LIPF: variants seen among roughly 807,000 people sequenced by gnomAD.
The protein encoded by LIPF is gastric triacylglycerol lipase.
Under a neutral mutation model 38.0 loss-of-function variants are expected in LIPF, and 25 were observed. That is an observed-to-expected ratio of 0.66 (90% CI 0.48 to 0.92). The LOEUF is 0.92. Ranked by LOEUF, LIPF falls within the 40% of genes least tolerant of loss-of-function variation. LIPF has a pLI of 0.00. For missense variants in LIPF, 410 were observed against 469.9 expected, an observed-to-expected ratio of 0.87 and a Z score of 1.18; for synonymous variants, 161 against 156.2, an observed-to-expected ratio of 1.03 and a Z score of -0.23.
chr10:88,668,906 T>C lies in LIPF; in HGVS notation c.422+150T>C. 4 of 660,948 alleles carry C rather than the reference T, an allele frequency of 6.1e-6. No individual in the cohort carries two copies. The South Asian group carries it at 6.4e-5, about 11-fold the overall frequency. The allele number at this position is 660,948 out of a possible 1,614,324, so 40.9% of individuals were successfully genotyped here. A position where few individuals can be genotyped will look rare whatever the true frequency, so the allele number is the denominator to read the frequency against. ...TCTAATCCATTCTTGGATTCTTCCA[T>C]GTACCTCATTCCTAGGGTAGCTTTT... On this transcript the variant is annotated intron_variant, in intron 4 of 9. Coordinates refer to ENST00000238983, the MANE Select transcript of LIPF (RefSeq NM_004190.4).
chr10:88,678,614 G>A lies in LIPF; in HGVS notation c.1130G>A (p.Trp377Ter). ...IPFYNHLDFI[W>*]AMDAPQEVYN... ...TTTTACAATCACTTGGACTTTATCT[G>A]GGCAATGGATGCCCCTCAAGAAGTT... The change falls in exon 10 of 10, where the codon TGG becomes TAG. Residue 377 changes from tryptophan to a stop codon, truncating the protein, a stop_gained. Transcript: ENST00000238983. LOFTEE classifies it low-confidence loss of function (END_TRUNC). 6.2e-7 allele frequency: 1 copy of A among 1,613,802 alleles called. No individual in the cohort carries two copies. The highest frequency in any genetic ancestry group is 8.5e-7 in the Non-Finnish European group (1 of 1,179,836).
rs778796350 is a variant in LIPF at position 88,675,612 on chromosome 10, T to C, written c.843T>C (p.His281=). The C allele has an allele frequency of 3.1e-5, 36 of 1,175,122 alleles. No individual in the cohort carries two copies. Among genetic ancestry groups the C allele is most frequent in the Non-Finnish European group, 4.4e-5 (36 of 817,866 alleles). The allele number at this position is 1,175,122 out of a possible 1,614,324, so 72.8% of individuals were successfully genotyped here. A position where few individuals can be genotyped will look rare whatever the true frequency, so the allele number is the denominator to read the frequency against. The change falls in exon 8 of 10, where the codon CAT becomes CAC. Residue 281 remains histidine, a synonymous_variant. Transcript: ENST00000238983. The part of the protein sequence containing the change: ...NTSRLDVYLS[H]NPAGTSVQNM... ...GTCGCTTGGATGTGTATCTATCACA[T>C]AATCCAGCAGGAACTTCTGTTCAAA... is the stretch of plus-strand genomic sequence containing the variant.
chr10:88,665,262 T>C (rs1020877520), intron 1 of LIPF, among the ~76,000 whole-genome samples: 1 of 152,210 alleles, frequency 6.6e-6, no homozygotes, highest in Non-Finnish European at 1.5e-5. Context: ...AATAACTATA[T>C]TTAACTAACG....
In LIPF at chr10:88,667,617, G is replaced by T; in HGVS notation, c.154G>T (p.Val52Leu). Residue 52 changes from valine to leucine, a missense_variant, in exon 3 of 10, where the codon GTG (valine) becomes TTG (leucine). By Grantham distance (32) the Val-to-Leu change is conservative. Coordinates refer to ENST00000238983, the MANE Select transcript of LIPF (RefSeq NM_004190.4). ...ATACCCAAATGAAGAATATGAAGTT[G>T]TGACTGAAGATGGTTATATTCTTGA... ...WGYPNEEYEV[V>L]TEDGYILEVN... 1 of 1,604,638 alleles carries T rather than the reference G, an allele frequency of 6.2e-7. No homozygotes were observed. The highest frequency in any genetic ancestry group is 8.5e-7 in the Non-Finnish European group (1 of 1,171,970).
intron 3 of LIPF, among the ~76,000 whole-genome samples, chr10:88,667,887 A>T (rs1166040952): frequency 1.3e-5 from 2 of 152,136 alleles, no homozygotes; most frequent in African/African-American, 2.4e-5. Context: ...CTTCAAGGAG[A>T]TCATCATCAA....
chr10:88,670,312 A>G (rs753633395), intron 5 of LIPF, among the ~76,000 whole-genome samples: 5 of 152,208 alleles, frequency 3.3e-5, no homozygotes, highest in Non-Finnish European at 7.3e-5. Flanking sequence ...AATAGATGAA[A>G]ACTTCTGCCT....
At chr10:88,678,381 A>T in intron 9 of LIPF, 64 bp from the exon 10 acceptor site, 1 of 1,150,728 alleles carries the variant, frequency 8.7e-7, no homozygotes, top group Non-Finnish European at 1.3e-6. Flanking sequence ...CTCTACTTGA[A>T]TAGTAAGTAC....
At chr10:88,671,994 C>G (rs756108760) in intron 6 of LIPF, 29 bp downstream of exon 6, 1 of 1,571,390 alleles carries the variant, frequency 6.4e-7, no homozygotes, top group Non-Finnish European at 8.7e-7. Context: ...TTAAGTGAAT[C>G]TAAGACCCTT....
chr10:88,675,983 C>A (rs934328369), intron 8 of LIPF, among the ~76,000 whole-genome samples: 3 of 152,126 alleles, frequency 2.0e-5, no homozygotes, highest in African/African-American at 7.2e-5. Context: ...TCCCTCCCCC[C>A]AGCAAATGCT....
At position 88,674,464 on chromosome 10, in the gene LIPF, G is replaced by A. The variant is rs987309325; in HGVS notation, c.816+730G>A. On this transcript the variant is annotated intron_variant, in intron 7 of 9. Coordinates refer to ENST00000238983, the MANE Select transcript of LIPF (RefSeq NM_004190.4). ...ATTACAGGCGTGAGCCACCACGCCC[G>A]GCTGACTTTGCCCATATTCTTTATC... Among the ~76,000 whole-genome samples the A allele has an allele frequency of 2.1e-4, 32 of 152,280 alleles. No individual in the cohort carries two copies. In the East Asian group the frequency reaches 2.3e-3, roughly 11 times the overall value.
At chr10:88,678,208 T>C (rs1841716792) in intron 9 of LIPF, among the ~76,000 whole-genome samples, 2 of 152,202 alleles carry the variant, frequency 1.3e-5, no homozygotes, top group South Asian at 4.1e-4. Flanking sequence ...TGAAACAGAA[T>C]TTTTACTTCA....
At chr10:88,665,609 A>C in intron 1 of LIPF, 2 of 1,417,552 alleles carry the variant, frequency 1.4e-6, no homozygotes, top group Non-Finnish European at 1.9e-6. Flanking sequence ...AATGGAGGTC[A>C]TGTGGGTTCC....
chr10:88,666,973 A>G (rs1841520667), intron 1 of LIPF, among the ~76,000 whole-genome samples: 2 of 151,572 alleles, frequency 1.3e-5, no homozygotes, highest in African/African-American at 2.4e-5. Context: ...TGTTATGCCA[A>G]TTAGAGGCTT....
Position 88,665,203 on chromosome 10 carries a change from C to T in LIPF, c.-12+712C>T, listed in dbSNP as rs1841492897. Among the ~76,000 whole-genome samples, 3 of 152,168 alleles carry T rather than the reference C, an allele frequency of 2.0e-5. No individual in the cohort carries two copies. In the South Asian group the frequency reaches 6.2e-4, roughly 31 times the overall value. On this transcript the variant is annotated intron_variant, in intron 1 of 9. Coordinates refer to ENST00000238983, the MANE Select transcript of LIPF (RefSeq NM_004190.4). ...TATTTGTAAAATGGATAATATAATG[C>T]TACCTACTTCATAGAGTTGCTATGA...
intron 6 of LIPF, among the ~76,000 whole-genome samples, chr10:88,673,318 T>C (rs1186751782): frequency 1.3e-5 from 2 of 152,202 alleles, no homozygotes; most frequent in Non-Finnish European, 1.5e-5. Flanking sequence ...CCCAACTAGA[T>C]TGTAACTCTT....
At chr10:88,672,545 T>G (rs1167028992) in intron 6 of LIPF, among the ~76,000 whole-genome samples, 3 of 151,988 alleles carry the variant, frequency 2.0e-5, no homozygotes, top group African/African-American at 7.3e-5. Context: ...AAGTGCCTTA[T>G]GCAGTAGGCA....
intron 7 of LIPF, 58 bp downstream of exon 7, chr10:88,673,792 T>G: frequency 7.0e-7 from 1 of 1,437,068 alleles, no homozygotes; most frequent in East Asian, 2.3e-5. Context: ...CTTGTTTCAT[T>G]GCCACTTAGA....
intron 5 of LIPF, among the ~76,000 whole-genome samples, chr10:88,670,781 T>C (rs1841584418): frequency 6.6e-6 from 1 of 152,104 alleles, no homozygotes; most frequent in Admixed American, 6.6e-5. Flanking sequence ...AAAAGAAAAC[T>C]GCAGAATAAT....
Position 88,676,256 on chromosome 10 carries a change from T to A in LIPF, c.936T>A (p.Val312=). The A allele has an allele frequency of 6.2e-7, 1 of 1,608,382 alleles. No individual in the cohort carries two copies. Among genetic ancestry groups the A allele is most frequent in the Non-Finnish European group, 8.5e-7 (1 of 1,175,738 alleles). The part of the protein sequence containing the change: ...KFQAYDWGSP[V]QNRMHYDQSQ... The stretch of plus-strand genomic sequence containing the variant: ...AAGCTTATGACTGGGGAAGCCCAGT[T>A]CAGAATAGGATGCACTATGATCAGG... Residue 312 remains valine, a synonymous_variant, in exon 9 of 10, where the codon GTT becomes GTA. Transcript: ENST00000238983.
Sources: gnomAD v4.1 joint callset for allele counts (sites outside exome capture counted in the v4.1 genomes callset) on GRCh38, gnomAD v4.1.1 for gene constraint, MANE v1.5 for transcripts, NCBI Gene and HGNC (gene_info 2026-07-23, HGNC 2026-07-21) for gene names.